Variants in LRSAM1 observed in about 807,000 individuals in gnomAD.
The protein encoded by LRSAM1 is E3 ubiquitin-protein ligase LRSAM1.
In LRSAM1, 96 loss-of-function variants were observed where a neutral mutation model predicts 118.1. The observed-to-expected ratio is 0.81, with a 90% confidence interval of 0.69 to 0.96. The LOEUF (loss-of-function observed/expected upper bound fraction) is 0.96. Among genes scored for constraint, LRSAM1 ranks in the 40% least tolerant of loss-of-function variants. The pLI, the probability that LRSAM1 is intolerant of heterozygous loss-of-function variation, is 0.00. For synonymous variants in LRSAM1, 322 were observed against 364.2 expected, an observed-to-expected ratio of 0.88 and a Z score of 1.32; for missense variants, 804 against 915.5, an observed-to-expected ratio of 0.88 and a Z score of 1.57.
intron 24 of LRSAM1, among the ~76,000 whole-genome samples, chr9:127,499,141 C>T (rs149780482): frequency 2.7e-3 from 403 of 151,340 alleles, no homozygotes; most frequent in African/African-American, 8.3e-3. Context: ...GGGAGGCCTA[C>T]GTGGGAGGAT....
At chr9:127,455,682 A>T in intron 5 of LRSAM1, 62 bp downstream of exon 5, 5 of 1,497,006 alleles carry the variant, frequency 3.3e-6, no homozygotes, top group Non-Finnish European at 4.7e-6. Context: ...TGAACCCACA[A>T]GGGACTTTGA....
rs1224067587 is a variant in LRSAM1, at chr9:127,471,512, C to T, written c.620-2289C>T. On this transcript the variant is annotated intron_variant, in intron 10 of 25. Transcript: ENST00000300417. ...AAAAAAAAAAAGATTTTGGGCTGGG[C>T]GCGGTGGCTCACGCCTGTAATCCCA... Among the ~76,000 whole-genome samples the T allele has an allele frequency of 1.3e-4, 19 of 142,996 alleles. No individual in the cohort carries two copies. In the East Asian group the frequency reaches 2.1e-3, roughly 16 times the overall value. 93.8% of individuals were successfully genotyped at this position (142,996 alleles called of 152,430 possible).
chr9:127,497,288 C>G lies in LRSAM1; in HGVS notation c.1866C>G (p.Ile622Met). Residue 622 changes from isoleucine to methionine, a missense_variant, in exon 24 of 26, where the codon ATC (isoleucine) becomes ATG (methionine). Physicochemically the swap from Ile to Met is conservative, Grantham distance 10. Transcript: ENST00000300417. ...GVSEAGLQHE[I>M]LRRVQELLDA... ...CAGAAGCTGGCCTGCAGCACGAGAT[C>G]CTCCGGAGAGTCCAGGAACTGCTGG... The G allele has an allele frequency of 8.1e-6, 13 of 1,613,192 alleles. No homozygotes were observed. Among genetic ancestry groups the G allele is most frequent in the Non-Finnish European group, 1.1e-5 (13 of 1,179,990 alleles).
intron 19 of LRSAM1, among the ~76,000 whole-genome samples, chr9:127,490,179 G>C (rs1306690821): frequency 6.6e-6 from 1 of 152,222 alleles, no homozygotes; most frequent in African/African-American, 2.4e-5. Context: ...CAGGCTATGG[G>C]AGTACTCCTG....
chr9:127,476,919 C>T (rs1347157417), intron 11 of LRSAM1, among the ~76,000 whole-genome samples: 1 of 152,114 alleles, frequency 6.6e-6, no homozygotes, highest in African/African-American at 2.4e-5. Flanking sequence ...TCAAGTGATC[C>T]ACTTGTCTCA....
intron 10 of LRSAM1, among the ~76,000 whole-genome samples, chr9:127,471,875 G>C (rs12340560): frequency 0.64 from 95,988 of 150,898 alleles, 30,700 homozygotes; most frequent in Middle Eastern, 0.67. Context: ...GTTGACCAGG[G>C]TGGTCTCATA....
chr9:127,489,467 C>A lies in LRSAM1; in HGVS notation c.1371C>A (p.Phe457Leu). Residue 457 changes from phenylalanine to leucine, a missense_variant, in exon 19 of 26, where the codon TTC (phenylalanine) becomes TTA (leucine). Physicochemically the swap from Phe to Leu is conservative, Grantham distance 22. Transcript: ENST00000300417. ...LQESAMQKAA[F>L]EALQVKKDLM... Reference sequence around the variant, plus strand: ...AGAGCGCGATGCAGAAGGCTGCGTTCGAGGCACTCCAGGTGAAGAAAGACC... The same window carrying A: ...AGAGCGCGATGCAGAAGGCTGCGTTAGAGGCACTCCAGGTGAAGAAAGACC... The A allele has an allele frequency of 1.2e-6, 2 of 1,609,694 alleles. No individual in the cohort carries two copies. The highest frequency in any genetic ancestry group is 4.5e-5 in the East Asian group (2 of 44,788).
chr9:127,492,955 C>A, intron 21 of LRSAM1, 58 bp downstream of exon 21: 1 of 1,460,022 alleles, frequency 6.8e-7, no homozygotes, highest in Non-Finnish European at 9.6e-7. Context: ...CTTTAACAGA[C>A]TTGCCATTTT....
intron 8 of LRSAM1, 81 bp downstream of exon 8, chr9:127,461,338 C>T (rs372112782): frequency 6.8e-6 from 9 of 1,317,204 alleles, no homozygotes; most frequent in East Asian, 4.9e-5. Context: ...CTGCCCCGCC[C>T]GGGAGCCATT....
chr9:127,480,471 A>G (rs1184873808), intron 14 of LRSAM1, among the ~76,000 whole-genome samples: 1 of 152,192 alleles, frequency 6.6e-6, no homozygotes, highest in African/African-American at 2.4e-5. Context: ...GGCCCATTGC[A>G]GGATGATTCC....
chr9:127,476,248 G>A (rs142518628), intron 11 of LRSAM1, among the ~76,000 whole-genome samples: 7 of 152,274 alleles, frequency 4.6e-5, no homozygotes, highest in Non-Finnish European at 7.4e-5. Flanking sequence ...TTTGAGCCTC[G>A]GCTCGCTGGG....
At chr9:127,460,847 C>CTTTTTTTTTTTTT (rs58140930) in intron 7 of LRSAM1, among the ~76,000 whole-genome samples, 2 of 77,428 alleles carry the variant, frequency 2.6e-5, no homozygotes, top group Non-Finnish European at 4.8e-5. Flanking sequence ...CTGTTTCTTT[C>CTTTTTTTTTTTTT]TTTTTTTTTT....
rs770935955 is a variant in LRSAM1 at position 127,497,222 on chromosome 9, CCACAGTCTGCACTTCCTTGAACTGT to C, written c.1831-25_1831-1del. ...ACCATTTAGCGGGCTCCCGCCCAGG[CCACAGTCTGCACTTCCTTGAACTGT>C]CACAGGTGGGCGTCTCAGAAGCTGG... On this transcript the variant is annotated splice_polypyrimidine_tract_variant and splice_region_variant and intron_variant, in intron 23 of 25. Transcript: ENST00000300417. The C allele has an allele frequency of 6.2e-7, 1 of 1,610,492 alleles. No individual in the cohort carries two copies. Among genetic ancestry groups the C allele is most frequent in the East Asian group, 2.2e-5 (1 of 44,852 alleles).
chr9:127,488,146 T>C (rs1052744531), intron 18 of LRSAM1, among the ~76,000 whole-genome samples: 1 of 152,174 alleles, frequency 6.6e-6, no homozygotes, highest in African/African-American at 2.4e-5. Flanking sequence ...TGTGCTGCTA[T>C]CTGCTCTTCC....
Position 127,501,017 on chromosome 9 carries a change from A to G in LRSAM1, c.1920A>G (p.Lys640=). 1 of 1,613,854 alleles carries G rather than the reference A, an allele frequency of 6.2e-7. No individual in the cohort carries two copies. Among genetic ancestry groups the G allele is most frequent in the Non-Finnish European group, 8.5e-7 (1 of 1,179,982 alleles). Residue 640 remains lysine, a synonymous_variant, in exon 25 of 26, where the codon AAA becomes AAG. Transcript: ENST00000300417. ...TCTGTCTGGTCCCCACAGAGCTGAA[A>G]CCACCAATGGGTGAGGTCGTCACCC... is the stretch of plus-strand genomic sequence containing the variant. ...LDAARIQPEL[K]PPMGEVVTPT...
At chr9:127,490,797 C>T (rs916756623) in intron 19 of LRSAM1, among the ~76,000 whole-genome samples, 2 of 152,172 alleles carry the variant, frequency 1.3e-5, no homozygotes, top group African/African-American at 4.8e-5. Context: ...CTTCCACTAC[C>T]CTCTGCTCTC....
chr9:127,471,529 G>A (rs371929794), intron 10 of LRSAM1, among the ~76,000 whole-genome samples: 2 of 145,256 alleles, frequency 1.4e-5, no homozygotes, highest in Admixed American at 1.4e-4. Flanking sequence ...GCTCACGCCT[G>A]TAATCCCAGC....
At chr9:127,464,464 G>A (rs1834860517) in intron 9 of LRSAM1, among the ~76,000 whole-genome samples, 1 of 152,266 alleles carries the variant, frequency 6.6e-6, no homozygotes, top group South Asian at 2.1e-4. Flanking sequence ...TGTATCTATG[G>A]AGCACCTGGA....
chr9:127,458,908 G>A, intron 6 of LRSAM1, 95 bp from the exon 7 acceptor site: 2 of 1,142,914 alleles, frequency 1.7e-6, no homozygotes, highest in East Asian at 2.3e-5. Context: ...CTGCACTGGG[G>A]GTGTGAGGTG....
Sources: gnomAD v4.1 joint callset for allele counts (sites outside exome capture counted in the v4.1 genomes callset) on GRCh38, gnomAD v4.1.1 for gene constraint, MANE v1.5 for transcripts, NCBI Gene and HGNC (gene_info 2026-07-23, HGNC 2026-07-21) for gene names.